Variants in TBC1D4 observed in about 807,000 individuals in gnomAD.
TBC1D4 encodes the protein TBC (Tre-2, BUB2, CDC16) domain-containing protein.
A neutral mutation model predicts 142.5 loss-of-function variants in TBC1D4; 121 were observed. The ratio of observed to expected loss-of-function variants is 0.85; its 90% CI spans 0.73 to 0.99. The LOEUF (loss-of-function observed/expected upper bound fraction) is 0.99. TBC1D4 is among the 50% of genes least tolerant of loss of function. The pLI is 0.00. For synonymous variants in TBC1D4, 630 were observed against 628.2 expected (o/e 1.00, Z -0.04); for missense variants, 1,475 against 1,606.6 (o/e 0.92, Z 1.40).
intron 1 of TBC1D4, among the ~76,000 whole-genome samples, chr13:75,376,401 G>A (rs1423260613): frequency 2.9e-5 from 4 of 135,742 alleles, no homozygotes; most frequent in Non-Finnish European, 6.2e-5. Context: ...TTTTTGAGAT[G>A]GAATCTCACT....
rs138616214 is a variant in TBC1D4, at chr13:75,379,384, T to C, written c.499-16777A>G. On this transcript the variant is annotated intron_variant, in intron 1 of 20. Coordinates refer to ENST00000377636, the MANE Select transcript of TBC1D4 (RefSeq NM_014832.5). The stretch of plus-strand genomic sequence containing the variant: ...ATGTATGACAGTATATTCATTTGTG[T>C]TACTGTCTTTTTAAAGTCTGCCAAC... Among the ~76,000 whole-genome samples, 17 of 152,256 alleles carry C rather than the reference T, an allele frequency of 1.1e-4. No homozygotes were observed. In the East Asian group the frequency reaches 2.9e-3, roughly 26 times the overall value.
Position 75,371,915 on chromosome 13 carries a change from C to T in TBC1D4, c.499-9308G>A, listed in dbSNP as rs577720317. ...ACCTTCTCAAAATAAGAATAACATA[C>T]TTTGATTTTAAAATATTTGTGTCAC... is the stretch of plus-strand genomic sequence containing the variant. On this transcript the variant is annotated intron_variant, in intron 1 of 20. Coordinates refer to ENST00000377636, the MANE Select transcript of TBC1D4 (RefSeq NM_014832.5). Among the ~76,000 whole-genome samples the T allele has an allele frequency of 9.9e-5, 15 of 152,234 alleles. No individual in the cohort carries two copies. The South Asian group carries it at 2.9e-3, about 29-fold the overall frequency.
chr13:75,356,759 G>A (rs538474561), intron 3 of TBC1D4, among the ~76,000 whole-genome samples: 65 of 152,222 alleles, frequency 4.3e-4, no homozygotes, highest in African/African-American at 1.5e-3. Flanking sequence ...ACACTTAAAA[G>A]ACTGATATGT....
Position 75,446,604 on chromosome 13 carries a change from A to G in TBC1D4, c.498+34666T>C, listed in dbSNP as rs114403515. ...TACATCTGATAAATTATCCAAAAGCAGAGAATAATTCCAGCACCTCAGTGG... is the reference window on the plus strand; with the variant it reads ...TACATCTGATAAATTATCCAAAAGCGGAGAATAATTCCAGCACCTCAGTGG... On this transcript the variant is annotated intron_variant, in intron 1 of 20. Transcript: ENST00000377636. 4.4e-3 allele frequency among the ~76,000 whole-genome samples: 668 copies of G among 152,368 alleles called. 10 individuals are homozygous for G. Among genetic ancestry groups the G allele is most frequent in the African/African-American group, 0.016 (650 of 41,596 alleles).
At chr13:75,417,705 T>C (rs180924267) in intron 1 of TBC1D4, among the ~76,000 whole-genome samples, 59 of 152,326 alleles carry the variant, frequency 3.9e-4, no homozygotes, top group African/African-American at 1.4e-3. Context: ...AGAATTAAGA[T>C]ATGGAAACCT....
At chr13:75,366,008 C>T (rs753944759) in intron 1 of TBC1D4, among the ~76,000 whole-genome samples, 8 of 152,192 alleles carry the variant, frequency 5.3e-5, no homozygotes, top group Admixed American at 1.3e-4. Flanking sequence ...TTCACCCAAA[C>T]TAGGAAGTGA....
intron 11 of TBC1D4, among the ~76,000 whole-genome samples, chr13:75,322,606 T>TAGGA (rs1878867580): frequency 1.3e-5 from 2 of 152,196 alleles, no homozygotes; most frequent in Non-Finnish European, 2.9e-5. Flanking sequence ...CAGCTAACCT[T>TAGGA]TGATCTTAAT....
In TBC1D4 at chr13:75,399,064, G is replaced by A. The variant is rs370142225; in HGVS notation, c.499-36457C>T. 5.8e-3 allele frequency among the ~76,000 whole-genome samples: 882 copies of A among 152,250 alleles called. 7 individuals are homozygous for A. Among genetic ancestry groups the A allele is most frequent in the Middle Eastern group, 0.02 (6 of 294 alleles). ...TAGCTTAGAATAAATGAAATTAGGC[G>A]GGCGCGGTGGCTCACGCCTGTAATC... On this transcript the variant is annotated intron_variant, in intron 1 of 20. Coordinates refer to ENST00000377636, the MANE Select transcript of TBC1D4 (RefSeq NM_014832.5).
chr13:75,299,823 C>CAA (rs56719877), intron 16 of TBC1D4, among the ~76,000 whole-genome samples: 67 of 105,954 alleles, frequency 6.3e-4, no homozygotes, highest in East Asian at 1.9e-3. Context: ...TTCTTTCCAG[C>CAA]AAAAAAAAAA....
chr13:75,328,935 C>T (rs893634279), intron 8 of TBC1D4, among the ~76,000 whole-genome samples: 1 of 152,118 alleles, frequency 6.6e-6, no homozygotes, highest in Admixed American at 6.6e-5. Context: ...CTCTCTTGCA[C>T]TCTGAATCCC....
chr13:75,426,036 A>G (rs1024587126), intron 1 of TBC1D4, among the ~76,000 whole-genome samples: 30 of 152,340 alleles, frequency 2.0e-4, no homozygotes, highest in African/African-American at 6.7e-4. Context: ...CCATTCTACA[A>G]TGTATATGGG....
chr13:75,287,774 A>T (rs1387167466), intron 20 of TBC1D4, among the ~76,000 whole-genome samples: 1 of 152,174 alleles, frequency 6.6e-6, no homozygotes, highest in Non-Finnish European at 1.5e-5. Flanking sequence ...CCTCATTTCT[A>T]ACCTGTCTCT....
chr13:75,440,928 G>A (rs745798041), intron 1 of TBC1D4, among the ~76,000 whole-genome samples: 2 of 151,940 alleles, frequency 1.3e-5, no homozygotes, highest in Admixed American at 6.6e-5. Context: ...CCTTCTTTCA[G>A]GCTGGTGCTG....
At chr13:75,389,501 A>G (rs1300854287) in intron 1 of TBC1D4, among the ~76,000 whole-genome samples, 1 of 152,220 alleles carries the variant, frequency 6.6e-6, no homozygotes, top group Non-Finnish European at 1.5e-5. Flanking sequence ...GAAACAGAAT[A>G]GTTTGTAGAA....
intron 5 of TBC1D4, among the ~76,000 whole-genome samples, chr13:75,343,887 C>T (rs1457414909): frequency 6.6e-6 from 1 of 152,054 alleles, no homozygotes; most frequent in Non-Finnish European, 1.5e-5. Context: ...GTCACCTAGG[C>T]TGGAATGCAA....
intron 15 of TBC1D4, 24 bp from the exon 16 acceptor site, chr13:75,302,425 C>A: frequency 6.2e-7 from 1 of 1,613,906 alleles, no homozygotes. Context: ...GATAAATAAC[C>A]AAGGCCTTGA....
intron 17 of TBC1D4, among the ~76,000 whole-genome samples, chr13:75,298,007 T>C (rs1244695533): frequency 6.6e-6 from 1 of 152,054 alleles, no homozygotes; most frequent in East Asian, 1.9e-4. Context: ...TCTCAAAAAA[T>C]ATCATTTACT....
chr13:75,304,631 A>G (rs1262867748), intron 15 of TBC1D4, among the ~76,000 whole-genome samples: 2 of 152,134 alleles, frequency 1.3e-5, no homozygotes, highest in Non-Finnish European at 2.9e-5. Context: ...TATTTGAGGG[A>G]CCTGAGGGAT....
intron 1 of TBC1D4, among the ~76,000 whole-genome samples, chr13:75,399,970 C>T (rs1056429242): frequency 2.6e-5 from 4 of 152,120 alleles, no homozygotes; most frequent in Admixed American, 1.3e-4. Flanking sequence ...CATTCCCAGC[C>T]AGCCCCTAGA....
Sources: allele counts gnomAD v4.1 joint callset (sites outside exome capture counted in the v4.1 genomes callset), GRCh38; gene constraint gnomAD v4.1.1; transcripts MANE v1.5; gene names NCBI Gene and HGNC (gene_info 2026-07-23, HGNC 2026-07-21).